The following NID2 variants were observed in gnomAD, a reference collection of about 807,000 sequenced individuals.
NID2 encodes nidogen 2.
In NID2, 83 loss-of-function variants were observed where a neutral mutation model predicts 145.4. The observed-to-expected ratio is 0.57, with a 90% confidence interval of 0.48 to 0.69. The LOEUF is 0.69. Among genes scored for constraint, NID2 ranks in the 30% least tolerant of loss-of-function variants. The pLI, the probability that NID2 is intolerant of heterozygous loss-of-function variation, is 0.00. For missense variants in NID2, 1,807 were observed against 1,765.7 expected, an observed-to-expected ratio of 1.02 and a Z score of -0.42; for synonymous variants, 739 against 701.3, an observed-to-expected ratio of 1.05 and a Z score of -0.85.
At position 52,053,664 on chromosome 14, in the gene NID2, A is replaced by G. The variant is rs1310692794; in HGVS notation, c.1344T>C (p.Ser448=). ...GTGTAGTGTGACCTGAAGCAGGGTAACTTCGAAGAACAATTTCTTCTTCAG... is the reference window on the plus strand; with the variant it reads ...GTGTAGTGTGACCTGAAGCAGGGTAGCTTCGAAGAACAATTTCTTCTTCAG... ...AHPEEEIVLR[S]YPASGHTTPL... is the part of the protein sequence containing the mutation. Residue 448 remains serine (S), a synonymous_variant, in exon 5 of 22, where the codon AGT becomes AGC. Transcript: ENST00000216286. The G allele has an allele frequency of 1.9e-6, 3 of 1,614,206 alleles. No individual in the cohort carries two copies. Among genetic ancestry groups the G allele is most frequent in the Admixed American group, 3.3e-5 (2 of 60,034 alleles).
chr14:52,051,147 T>C (rs1360400771), intron 5 of NID2, among the ~76,000 whole-genome samples: 1 of 151,480 alleles, frequency 6.6e-6, no homozygotes, highest in Non-Finnish European at 1.5e-5. Context: ...AAAATCTAAA[T>C]TTCTGAACAA....
chr14:52,067,794 G>C, intron 2 of NID2, 64 bp downstream of exon 2: 2 of 1,566,066 alleles, frequency 1.3e-6, no homozygotes, highest in Non-Finnish European at 1.8e-6. Context: ...TCCCTGGGTC[G>C]CTGCCCCAGA....
chr14:52,058,255 C>A (rs34649470), intron 3 of NID2, among the ~76,000 whole-genome samples: 9,533 of 152,254 alleles, frequency 0.063, 393 homozygotes, highest in Middle Eastern at 0.13. Flanking sequence ...TGTGAAAACA[C>A]CACTTACATA....
chr14:52,011,126 GGCAGGGGGGTCA>G (rs1891001902), intron 17 of NID2, 79 bp from the exon 18 acceptor site: 1 of 1,435,838 alleles, frequency 7.0e-7, no homozygotes, highest in South Asian at 1.2e-5. Flanking sequence ...CGGTCGGGTG[GGCAGGGGGGTCA>G]GCAGGGGAAA....
chr14:52,044,959 A>G (rs1215298382), intron 5 of NID2, among the ~76,000 whole-genome samples: 2 of 152,146 alleles, frequency 1.3e-5, no homozygotes, highest in Non-Finnish European at 2.9e-5. Context: ...GATAAAGCTG[A>G]GGCACAGTAG....
At chr14:52,055,941 T>TTGTGTGTGTGTGTG (rs10664431) in intron 3 of NID2, among the ~76,000 whole-genome samples, 12 of 150,608 alleles carry the variant, frequency 8.0e-5, no homozygotes, top group African/African-American at 2.4e-4. Flanking sequence ...TTGTGTGTGT[T>TTGTGTGTGTGTGTG]TGTGTGTGTG....
intron 2 of NID2, among the ~76,000 whole-genome samples, chr14:52,060,916 G>A (rs528206585): frequency 7.9e-5 from 12 of 152,160 alleles, no homozygotes; most frequent in South Asian, 4.2e-4. Flanking sequence ...CCTTTCATAC[G>A]AGCATCAGGG....
At position 52,011,655 on chromosome 14, in the gene NID2, T is replaced by A; in HGVS notation, c.3449A>T (p.Asp1150Val). 2 of 1,614,194 alleles carry A rather than the reference T, an allele frequency of 1.2e-6. No individual in the cohort carries two copies. The highest frequency in any genetic ancestry group is 1.7e-6 in the Non-Finnish European group (2 of 1,180,036). ...CCAGTACACCATCCTCTCCCGGCAGTCGTAATCAATTCCCACGATTATGGA... is the reference window on the plus strand; with the variant it reads ...CCAGTACACCATCCTCTCCCGGCAGACGTAATCAATTCCCACGATTATGGA... The part of the protein sequence containing the change: ...HGSIIVGIDY[D>V]CRERMVYWTD... The change falls in exon 17 of 22, where the codon GAC becomes GTC. Residue 1150 changes from aspartate (D) to valine (V), a missense_variant. Asp to Val is a radical substitution (Grantham distance 152). Transcript: ENST00000216286.
intron 12 of NID2, among the ~76,000 whole-genome samples, chr14:52,021,149 G>A (rs1211960597): frequency 1.3e-5 from 2 of 151,424 alleles, no homozygotes; most frequent in Non-Finnish European, 2.9e-5. Flanking sequence ...TCCGATTAAG[G>A]CTTGGCTGAA....
chr14:52,019,827 G>A (rs1446047964), intron 13 of NID2, among the ~76,000 whole-genome samples: 1 of 152,138 alleles, frequency 6.6e-6, no homozygotes, highest in Non-Finnish European at 1.5e-5. Context: ...TAACCAGAGG[G>A]GCTATGAGGT....
At chr14:52,010,746 A>T in intron 18 of NID2, 130 bp downstream of exon 18, 1 of 878,704 alleles carries the variant, frequency 1.1e-6, no homozygotes, top group Non-Finnish European at 1.8e-6. Flanking sequence ...GATCCTCAGT[A>T]AATCTTTGTT....
intron 9 of NID2, among the ~76,000 whole-genome samples, chr14:52,035,032 C>T (rs571849557): frequency 1.3e-5 from 2 of 152,150 alleles, no homozygotes; most frequent in African/African-American, 4.8e-5. Flanking sequence ...CTCCCATATC[C>T]CCCCACCCAA....
Position 52,014,215 on chromosome 14 carries a change from A to C in NID2, c.3420+72T>G. On this transcript the variant is annotated intron_variant, in intron 16 of 21. Transcript: ENST00000216286. ...CCCTGCACCAGTCCACCTCACTGCAACAGGGCCTGTGAGGTGGCTCCCACT... is the reference window on the plus strand; with the variant it reads ...CCCTGCACCAGTCCACCTCACTGCACCAGGGCCTGTGAGGTGGCTCCCACT... 5 of 1,587,360 alleles carry C rather than the reference A, an allele frequency of 3.1e-6. No individual in the cohort carries two copies. The South Asian group carries it at 3.3e-5, about 11-fold the overall frequency.
At chr14:52,052,415 C>G (rs932757896) in intron 5 of NID2, among the ~76,000 whole-genome samples, 4 of 152,194 alleles carry the variant, frequency 2.6e-5, no homozygotes, top group Admixed American at 6.5e-5. Flanking sequence ...ACTTCACATA[C>G]GCTGTCTCAT....
Position 52,045,251 on chromosome 14 carries a change from G to A in NID2, c.1430-2320C>T, listed in dbSNP as rs79823890. On this transcript the variant is annotated intron_variant, in intron 5 of 21. Coordinates refer to ENST00000216286, the MANE Select transcript of NID2 (RefSeq NM_007361.4). ...TACAGCATGTTGAAAAACAGCACAG[G>A]TAAGAAATGAGAGTAGCAGCAGCGG... 1.4e-4 allele frequency among the ~76,000 whole-genome samples: 22 copies of A among 152,276 alleles called. 1 individual carries two copies. In the South Asian group the frequency reaches 3.3e-3, roughly 23 times the overall value.
At chr14:52,033,464 G>A (rs1891945861) in intron 9 of NID2, among the ~76,000 whole-genome samples, 1 of 152,174 alleles carries the variant, frequency 6.6e-6, no homozygotes, top group South Asian at 2.1e-4. Context: ...ACAACTGGTG[G>A]GGGGTGGCAC....
At chr14:52,021,325 G>A (rs1378361566) in intron 12 of NID2, among the ~76,000 whole-genome samples, 1 of 152,158 alleles carries the variant, frequency 6.6e-6, no homozygotes, top group Non-Finnish European at 1.5e-5. Flanking sequence ...ATCAGCATGG[G>A]AAGACAGATA....
chr14:52,030,576 G>A lies in NID2; in HGVS notation c.2258-886C>T, dbSNP rs55677513. Among the ~76,000 whole-genome samples the A allele has an allele frequency of 3.5e-3, 216 of 61,586 alleles. 6 individuals carry two copies. The highest frequency in any genetic ancestry group is 0.013 in the African/African-American group (200 of 15,446). The allele number at this position is 61,586 out of a possible 152,430, so 40.4% of individuals were successfully genotyped here. A position where few individuals can be genotyped will look rare whatever the true frequency, so the allele number is the denominator to read the frequency against. On this transcript the variant is annotated intron_variant, in intron 9 of 21. Coordinates refer to ENST00000216286, the MANE Select transcript of NID2 (RefSeq NM_007361.4). ...AGAAAGAAAGAAAGAAAGGAAGGAA[G>A]GGAAAGAAAGAAAGAAAGAAAGAAA...
At chr14:52,053,233 A>C (rs549381201) in intron 5 of NID2, among the ~76,000 whole-genome samples, 7 of 152,360 alleles carry the variant, frequency 4.6e-5, no homozygotes, top group African/African-American at 1.7e-4. Context: ...ATGTGTATGA[A>C]GCCGCAAAAT....
Sources: allele counts gnomAD v4.1 joint callset (sites outside exome capture counted in the v4.1 genomes callset), GRCh38; gene constraint gnomAD v4.1.1; transcripts MANE v1.5; gene names NCBI Gene and HGNC (gene_info 2026-07-23, HGNC 2026-07-21).